HS3ST4: variants seen among roughly 807,000 people sequenced by gnomAD.
HS3ST4 encodes heparan sulfate-glucosamine 3-sulfotransferase 4.
HS3ST4 carries 17 observed loss-of-function variants against 29.2 expected under a neutral mutation model. That is an observed-to-expected ratio of 0.58 (90% CI 0.40 to 0.87). The LOEUF (loss-of-function observed/expected upper bound fraction) is 0.87, where lower values mean the gene tolerates loss of function less well. Among genes scored for constraint, HS3ST4 ranks in the 40% least tolerant of loss-of-function variants. HS3ST4 has a pLI of 0.00. For missense variants in HS3ST4, 627 were observed against 634.5 expected (o/e 0.99, Z 0.13); for synonymous variants, 314 against 285.7 (o/e 1.10, Z -1.00).
chr16:25,803,551 A>T (rs1008679734), intron 1 of HS3ST4, among the ~76,000 whole-genome samples: 4 of 152,092 alleles, frequency 2.6e-5, no homozygotes, highest in African/African-American at 9.7e-5. Flanking sequence ...CCAAATTATT[A>T]TTTTTAAATT....
rs527339808 is a variant in HS3ST4 at position 26,011,353 on chromosome 16, C to T, written c.735-124259C>T. On this transcript the variant is annotated intron_variant, in intron 1 of 1. Transcript: ENST00000331351. ...GGCAGGCAGATCACCTGAGGTCAGG[C>T]GTTTGAGACCAGCCTGACCAACATG... is the stretch of plus-strand genomic sequence containing the variant. Among the ~76,000 whole-genome samples the T allele has an allele frequency of 7.3e-5, 11 of 151,676 alleles. No homozygotes were observed. The East Asian group carries it at 7.8e-4, about 11-fold the overall frequency.
At chr16:26,056,085 G>T (rs1231188848) in intron 1 of HS3ST4, among the ~76,000 whole-genome samples, 1 of 148,976 alleles carries the variant, frequency 6.7e-6, no homozygotes, top group Non-Finnish European at 1.5e-5. Context: ...AGAGAAGAAT[G>T]CATTAAGATT....
chr16:26,088,180 T>C (rs1477280990), intron 1 of HS3ST4, among the ~76,000 whole-genome samples: 1 of 152,204 alleles, frequency 6.6e-6, no homozygotes, highest in Non-Finnish European at 1.5e-5. Flanking sequence ...GTTTGTGTAT[T>C]GTATTCTCGT....
At chr16:25,946,452 TG>T (rs1428120570) in intron 1 of HS3ST4, among the ~76,000 whole-genome samples, 1 of 152,208 alleles carries the variant, frequency 6.6e-6, no homozygotes, top group African/African-American at 2.4e-5. Context: ...TTGTGTGCTT[TG>T]GGCAACCAGA....
At chr16:26,016,228 A>G (rs894046310) in intron 1 of HS3ST4, among the ~76,000 whole-genome samples, 7 of 152,216 alleles carry the variant, frequency 4.6e-5, no homozygotes, top group Admixed American at 6.5e-5. Flanking sequence ...TGGATAAAGT[A>G]TCCAATAATC....
intron 1 of HS3ST4, among the ~76,000 whole-genome samples, chr16:26,118,370 G>A (rs141845053): frequency 1.7e-4 from 26 of 152,248 alleles, no homozygotes; most frequent in African/African-American, 5.8e-4. Flanking sequence ...TACAGGGTTT[G>A]AGCCACCACA....
At chr16:26,134,575 T>C (rs949985865) in intron 1 of HS3ST4, among the ~76,000 whole-genome samples, 1 of 152,100 alleles carries the variant, frequency 6.6e-6, no homozygotes, top group Non-Finnish European at 1.5e-5. Flanking sequence ...TTGGCCAGGC[T>C]GGTCTTGAAC....
intron 1 of HS3ST4, among the ~76,000 whole-genome samples, chr16:25,750,773 CT>C (rs915270414): frequency 6.6e-6 from 1 of 152,192 alleles, no homozygotes; most frequent in African/African-American, 2.4e-5. Flanking sequence ...GTATCAGCCT[CT>C]TCTGTCTTCA....
intron 1 of HS3ST4, among the ~76,000 whole-genome samples, chr16:25,704,879 C>CAA (rs775823722): frequency 0.21 from 25,574 of 122,186 alleles, 2,689 homozygotes; most frequent in South Asian, 0.41. Flanking sequence ...AACTCCATCT[C>CAA]AAAAAAAAAA....
At chr16:25,825,940 A>T (rs1967210217) in intron 1 of HS3ST4, 1 of 152,150 alleles carries the variant, frequency 6.6e-6, no homozygotes, top group African/African-American at 2.4e-5. Flanking sequence ...TTTGCCCTTT[A>T]AAGTCTCTAG....
At chr16:26,119,875 A>T (rs1003134715) in intron 1 of HS3ST4, among the ~76,000 whole-genome samples, 1 of 152,174 alleles carries the variant, frequency 6.6e-6, no homozygotes, top group African/African-American at 2.4e-5. Flanking sequence ...GGCAATGAAC[A>T]TATGAACAAG....
Position 26,064,777 on chromosome 16 carries a change from C to T in HS3ST4, c.735-70835C>T, listed in dbSNP as rs1011623945. On this transcript the variant is annotated intron_variant, in intron 1 of 1. Transcript: ENST00000331351. ...GGATCACAGGCATGTGCCATCACAC[C>T]GGGCTGATTTTGTATTTTTCTTGGA... Among the ~76,000 whole-genome samples the T allele has an allele frequency of 4.6e-5, 7 of 152,058 alleles. No individual in the cohort carries two copies. In the South Asian group the frequency reaches 1.0e-3, roughly 23 times the overall value.
At chr16:25,718,779 A>G (rs1225583205) in intron 1 of HS3ST4, among the ~76,000 whole-genome samples, 1 of 152,154 alleles carries the variant, frequency 6.6e-6, no homozygotes, top group Non-Finnish European at 1.5e-5. Flanking sequence ...GAGGACAGGG[A>G]TAGGAGATAT....
chr16:26,135,798 G>C lies in HS3ST4; in HGVS notation c.921G>C (p.Glu307Asp), dbSNP rs748007527. ...CGCAGACACTGTCAAAGAAACCCGA[G>C]ATCCCCACCTTTGAGGTGCTGGCCT... The part of the protein sequence containing the change: ...DYTQTLSKKP[E>D]IPTFEVLAFK... The change falls in exon 2 of 2, where the codon GAG (glutamate) becomes GAC (aspartate). Residue 307 changes from glutamate to aspartate, a missense_variant. By Grantham distance (45) the Glu-to-Asp change is conservative (BLOSUM62 2). Around this residue, in one of 2 missense-constraint regions of HS3ST4, gnomAD observed 225 missense variants for 293.7 expected, o/e 0.77. Transcript: ENST00000331351. 6.2e-7 allele frequency: 1 copy of C among 1,614,134 alleles called. No individual in the cohort carries two copies. The highest frequency in any genetic ancestry group is 8.5e-7 in the Non-Finnish European group (1 of 1,179,978).
At chr16:25,984,100 T>C (rs1199197070) in intron 1 of HS3ST4, among the ~76,000 whole-genome samples, 1 of 152,080 alleles carries the variant, frequency 6.6e-6, no homozygotes, top group Admixed American at 6.6e-5. Flanking sequence ...CTTGTAGCTA[T>C]GTGAAATGAT....
intron 1 of HS3ST4, among the ~76,000 whole-genome samples, chr16:25,831,680 C>T (rs1197015489): frequency 6.6e-6 from 1 of 152,024 alleles, no homozygotes. Context: ...GAACATGGGC[C>T]CTGTCTGTTA....
intron 1 of HS3ST4, among the ~76,000 whole-genome samples, chr16:26,069,746 C>T (rs958761019): frequency 3.0e-5 from 4 of 135,418 alleles, no homozygotes; most frequent in African/African-American, 1.1e-4. Context: ...GTGATGTTCC[C>T]CTTCTTGTGT....
chr16:25,730,331 T>TTTCC (rs1160228059), intron 1 of HS3ST4, among the ~76,000 whole-genome samples: 1 of 151,942 alleles, frequency 6.6e-6, no homozygotes, highest in Admixed American at 6.6e-5. Flanking sequence ...TCATTTTATA[T>TTTCC]TTCCTTCCTT....
intron 1 of HS3ST4, among the ~76,000 whole-genome samples, chr16:25,885,190 C>T (rs145076331): frequency 1.4e-3 from 207 of 152,250 alleles, no homozygotes; most frequent in African/African-American, 4.9e-3. Context: ...TAATGTTTAG[C>T]TTCATTTGTT....
Sources: gnomAD v4.1 joint callset for allele counts (sites outside exome capture counted in the v4.1 genomes callset) on GRCh38, gnomAD v4.1.1 for gene constraint, gnomAD v4.1.1 regional missense constraint, MANE v1.5 for transcripts, NCBI Gene and HGNC (gene_info 2026-07-23, HGNC 2026-07-21) for gene names.